The following CLMN variants were observed in gnomAD, a reference collection of about 807,000 sequenced individuals.
The protein encoded by CLMN is calmin (calponin-like, transmembrane).
A neutral mutation model predicts 92.7 loss-of-function variants in CLMN; 57 were observed. The observed-to-expected ratio is 0.61, with a 90% CI of 0.50 to 0.77. The LOEUF (loss-of-function observed/expected upper bound fraction) is 0.77, where lower values mean the gene tolerates loss of function less well. Ranked by LOEUF, CLMN falls within the 30% of genes least tolerant of loss-of-function variation. The pLI is 0.00. For synonymous variants in CLMN, 466 were observed against 470.6 expected, an observed-to-expected ratio of 0.99 and a Z score of 0.13; for missense variants, 1,158 against 1,237.5, an observed-to-expected ratio of 0.94 and a Z score of 0.96.
intron 10 of CLMN, among the ~76,000 whole-genome samples, chr14:95,195,912 G>A (rs764228059): frequency 6.6e-6 from 1 of 152,168 alleles, no homozygotes; most frequent in African/African-American, 2.4e-5. Flanking sequence ...GAGCAGAGGT[G>A]TGCTATGAGA....
chr14:95,272,006 T>C (rs1899728646), intron 1 of CLMN, among the ~76,000 whole-genome samples: 1 of 152,258 alleles, frequency 6.6e-6, no homozygotes, highest in African/African-American at 2.4e-5. Flanking sequence ...TATGAATTAT[T>C]CCACAGTGTG....
In CLMN at chr14:95,215,724, C is replaced by T; in HGVS notation, c.334G>A (p.Val112Ile). The change falls in exon 5 of 13, where the codon GTT becomes ATT. Residue 112 changes from valine to isoleucine, a missense_variant. By Grantham distance (29) the Val-to-Ile change is conservative (BLOSUM62 3). Transcript: ENST00000298912. ...GCTATTTCTGCTGCATCAATGCTAA[C>T]CAGTTTTACCTGGAGGGAAGCAATT... Reference protein sequence around the residue: ...KFLEDSNVKLVSIDAAEIADG... With the variant: ...KFLEDSNVKLISIDAAEIADG... The T allele has an allele frequency of 1.2e-6, 2 of 1,613,980 alleles. No individual in the cohort carries two copies. Among genetic ancestry groups the T allele is most frequent in the South Asian group, 2.2e-5 (2 of 91,070 alleles).
intron 7 of CLMN, among the ~76,000 whole-genome samples, chr14:95,209,842 G>A (rs1279589255): frequency 2.0e-5 from 3 of 152,290 alleles, no homozygotes; most frequent in South Asian, 2.1e-4. Flanking sequence ...CCTAACCCAC[G>A]TGGAAGGCAA....
chr14:95,315,620 T>C (rs977123279), intron 1 of CLMN, among the ~76,000 whole-genome samples: 47 of 152,162 alleles, frequency 3.1e-4, no homozygotes, highest in Non-Finnish European at 1.0e-4. Context: ...CTTGAGGGGA[T>C]TCCAATCATT....
At chr14:95,276,806 T>C (rs1284042712) in intron 1 of CLMN, among the ~76,000 whole-genome samples, 1 of 152,244 alleles carries the variant, frequency 6.6e-6, no homozygotes, top group African/African-American at 2.4e-5. Context: ...GCTGGGTGGA[T>C]AATGTCTGTG....
intron 9 of CLMN, among the ~76,000 whole-genome samples, chr14:95,198,369 A>C (rs1402651728): frequency 2.7e-5 from 4 of 150,756 alleles, no homozygotes. Flanking sequence ...TTTTTAAAGG[A>C]AGGCAAGGTA....
intron 1 of CLMN, among the ~76,000 whole-genome samples, chr14:95,249,309 C>T (rs1898692244): frequency 6.6e-6 from 1 of 152,150 alleles, no homozygotes; most frequent in African/African-American, 2.4e-5. Context: ...GATAACTTGT[C>T]TTTTAGTTGA....
In CLMN at chr14:95,191,584, G is replaced by A. The variant is rs1046609148; in HGVS notation, c.2989C>T (p.Leu997=). The A allele has an allele frequency of 1.8e-5, 29 of 1,613,032 alleles. No homozygotes were observed. The Admixed American group carries it at 4.8e-4, about 27-fold the overall frequency. ...LVYCLLLFPQ[L]DVSRL ...ACGTATCAGAGCCTGCTAACATCCAGTTGTGGGAAGAGCAGCAAGCAGTAC... is the reference window on the plus strand; with the variant it reads ...ACGTATCAGAGCCTGCTAACATCCAATTGTGGGAAGAGCAGCAAGCAGTAC... The change falls in exon 13 of 13, where the codon CTG becomes TTG. Residue 997 remains leucine (L), a synonymous_variant. Transcript: ENST00000298912. The surrounding 1 kb of genome is among the most constrained non-coding windows in gnomAD (Gnocchi z 5.3).
In CLMN at chr14:95,202,937, A is replaced by G; in HGVS notation, c.2412T>C (p.Gly804=). Residue 804 remains glycine, a synonymous_variant, in exon 9 of 13, where the codon GGT becomes GGC. Coordinates refer to ENST00000298912, the MANE Select transcript of CLMN (RefSeq NM_024734.4). ...SDQVLYLSRG[G]VGTTPASEPA... ...GTTCTGAGGCTGGTGTGGTACCCAC[A>G]CCACCCCTGCTGAGATACAGCACCT... 6.2e-7 allele frequency: 1 copy of G among 1,613,038 alleles called. No individual in the cohort carries two copies. Among genetic ancestry groups the G allele is most frequent in the Non-Finnish European group, 8.5e-7 (1 of 1,179,666 alleles).
intron 8 of CLMN, among the ~76,000 whole-genome samples, chr14:95,206,127 A>T (rs531153014): frequency 5.7e-4 from 87 of 152,344 alleles, no homozygotes; most frequent in African/African-American, 2.0e-3. Flanking sequence ...ATCATAAGAA[A>T]GCTGCTATGG....
At chr14:95,198,416 G>C (rs1238639672) in intron 9 of CLMN, among the ~76,000 whole-genome samples, 1 of 151,768 alleles carries the variant, frequency 6.6e-6, no homozygotes, top group Non-Finnish European at 1.5e-5. Flanking sequence ...TTGTCTGCCA[G>C]GACCCAAGAC....
At position 95,252,337 on chromosome 14, in the gene CLMN, T is replaced by C. The variant is rs537149408; in HGVS notation, c.83-22204A>G. Among the ~76,000 whole-genome samples the C allele has an allele frequency of 5.3e-5, 8 of 152,282 alleles. No individual in the cohort carries two copies. In the East Asian group the frequency reaches 1.4e-3, roughly 26 times the overall value. On this transcript the variant is annotated intron_variant, in intron 1 of 12. Coordinates refer to ENST00000298912, the MANE Select transcript of CLMN (RefSeq NM_024734.4). Reference sequence around the variant, plus strand: ...GTGGGGATAATGAGAGCCCACAGCATTGCAGGGTTGCCTTGAAGATAAAAT... The same window carrying C: ...GTGGGGATAATGAGAGCCCACAGCACTGCAGGGTTGCCTTGAAGATAAAAT...
intron 1 of CLMN, among the ~76,000 whole-genome samples, chr14:95,264,009 T>TTTA (rs1899366879): frequency 3.9e-5 from 1 of 25,444 alleles, no homozygotes; most frequent in African/African-American, 1.4e-4. Context: ...ACCTTATTAC[T>TTTA]TTATTTATTT....
intron 1 of CLMN, among the ~76,000 whole-genome samples, chr14:95,258,859 TGTG>T: frequency 6.7e-6 from 1 of 148,894 alleles, no homozygotes; most frequent in East Asian, 2.0e-4. Flanking sequence ...GTGGTGTGTG[TGTG>T]GTATGTGTAT....
In CLMN at chr14:95,221,710, T is replaced by G. The variant is rs749309676; in HGVS notation, c.305A>C (p.Lys102Thr). The G allele has an allele frequency of 5.6e-6, 9 of 1,614,116 alleles. No individual in the cohort carries two copies. The highest frequency in any genetic ancestry group is 6.8e-6 in the Non-Finnish European group (8 of 1,180,006). ...FRLNNIAKALKFLEDSNVKLV... is the reference protein window; with the variant it reads ...FRLNNIAKALTFLEDSNVKLV... ...ACTTACATTGCTATCTTCCAAAAAC[T>G]TAAGTGCTTTCGCTATGTTGTTCAA... The change falls in exon 4 of 13, where the codon AAG (lysine) becomes ACG (threonine). Residue 102 changes from lysine to threonine, a missense_variant. Lys to Thr is a moderately conservative substitution (Grantham distance 78). Transcript: ENST00000298912.
rs1383517087 is a variant in CLMN at position 95,188,497 on chromosome 14, T to C, written c.*3067A>G. Reference sequence around the variant, plus strand: ...ATGAATAATTCTTCCTGAAAGCAGATCAGAAACATAGACGAAAAATAGAAA... The same window carrying C: ...ATGAATAATTCTTCCTGAAAGCAGACCAGAAACATAGACGAAAAATAGAAA... On this transcript the variant is annotated 3_prime_UTR_variant, in exon 13 of 13. Coordinates refer to ENST00000298912, the MANE Select transcript of CLMN (RefSeq NM_024734.4). 1 of 151,980 alleles carries C rather than the reference T, an allele frequency of 6.6e-6. No homozygotes were observed. Among genetic ancestry groups the C allele is most frequent in the Non-Finnish European group, 1.5e-5 (1 of 67,988 alleles). The allele number at this position is 151,980 out of a possible 1,614,324, so 9.4% of individuals were successfully genotyped here. A position where few individuals can be genotyped will look rare whatever the true frequency, so the allele number is the denominator to read the frequency against.
At chr14:95,253,609 G>GTTTTTTTT (rs796784147) in intron 1 of CLMN, among the ~76,000 whole-genome samples, 1 of 112,562 alleles carries the variant, frequency 8.9e-6, no homozygotes, top group African/African-American at 3.8e-5. Flanking sequence ...GTGTTTTTTT[G>GTTTTTTTT]TTTTTTTGTT....
At chr14:95,258,023 G>A (rs1223483892) in intron 1 of CLMN, among the ~76,000 whole-genome samples, 1 of 151,358 alleles carries the variant, frequency 6.6e-6, no homozygotes. Context: ...GGGGGCTGTG[G>A]GCATGAGTGT....
intron 3 of CLMN, among the ~76,000 whole-genome samples, chr14:95,222,135 C>T (rs1897562946): frequency 6.6e-6 from 1 of 152,166 alleles, no homozygotes; most frequent in African/African-American, 2.4e-5. Flanking sequence ...TGAGACCCTC[C>T]ATTACGTGTT....
Sources: gnomAD v4.1 joint callset for allele counts (sites outside exome capture counted in the v4.1 genomes callset) on GRCh38, gnomAD v4.1.1 for gene constraint, Gnocchi (gnomAD v3.1) non-coding constraint, MANE v1.5 for transcripts, NCBI Gene and HGNC (gene_info 2026-07-23, HGNC 2026-07-21) for gene names.